NT5C1A: variants seen among roughly 807,000 people sequenced by gnomAD.
NT5C1A encodes the protein cytosolic 5'-nucleotidase 1A.
In NT5C1A, 18 loss-of-function variants were observed where a neutral mutation model predicts 31.0. The ratio of observed to expected loss-of-function variants is 0.58; its 90% CI spans 0.40 to 0.86. NT5C1A has a LOEUF of 0.86. Among genes scored for constraint, NT5C1A ranks in the 40% least tolerant of loss-of-function variants. The pLI is 0.00. For synonymous variants in NT5C1A, 185 were observed against 203.6 expected, an observed-to-expected ratio of 0.91 and a Z score of 0.78; for missense variants, 470 against 505.4, an observed-to-expected ratio of 0.93 and a Z score of 0.67.
rs1164119761 is a variant in NT5C1A, at chr1:39,672,017, C to G, written c.22G>C (p.Glu8Gln). Residue 8 changes from glutamate (E) to glutamine (Q), a missense_variant, in exon 1 of 6, where the codon GAG (glutamate) becomes CAG (glutamine). Coordinates refer to ENST00000235628, the MANE Select transcript of NT5C1A (RefSeq NM_032526.3). ...CCGGGCTCGCGGGGCTCCTGGGGCT[C>G]CCGGGGCTGCCCAGGTTCCATGCTC... is the stretch of plus-strand genomic sequence containing the variant. MEPGQPR[E>Q]PQEPREPGPG... 2 of 1,603,242 alleles carry G rather than the reference C, an allele frequency of 1.2e-6. No individual in the cohort carries two copies. Among genetic ancestry groups the G allele is most frequent in the Non-Finnish European group, 8.5e-7 (1 of 1,178,810 alleles).
At chr1:39,670,357 C>T (rs1646544439) in intron 1 of NT5C1A, among the ~76,000 whole-genome samples, 1 of 152,174 alleles carries the variant, frequency 6.6e-6, no homozygotes, top group Admixed American at 6.5e-5. Context: ...TCTCAAGACG[C>T]TCTTTGATGG....
At chr1:39,659,521 C>T (rs750365218) in intron 5 of NT5C1A, 35 bp from the exon 6 acceptor site, 15 of 1,520,858 alleles carry the variant, frequency 9.9e-6, no homozygotes, top group Non-Finnish European at 1.3e-5. Flanking sequence ...GTTAGCTCTA[C>T]CACCTCCTAA....
At chr1:39,668,592 C>T (rs1338405343) in intron 1 of NT5C1A, among the ~76,000 whole-genome samples, 6 of 152,278 alleles carry the variant, frequency 3.9e-5, no homozygotes, top group East Asian at 3.9e-4. Flanking sequence ...CTCAAGTCTC[C>T]GGCCTCTAGC....
chr1:39,664,884 C>A (rs958332247), intron 3 of NT5C1A, among the ~76,000 whole-genome samples: 1 of 151,650 alleles, frequency 6.6e-6, no homozygotes, highest in African/African-American at 2.4e-5. Context: ...GCTAGAGAAG[C>A]ACAAATAAAG....
rs1646473333 is a variant in NT5C1A, at chr1:39,658,252, A to AT, written c.*868dup. 6.6e-6 allele frequency among the ~76,000 whole-genome samples: 1 copy of AT among 152,200 alleles called. No individual in the cohort carries two copies. On this transcript the variant is annotated 3_prime_UTR_variant, in exon 6 of 6. Coordinates refer to ENST00000235628, the MANE Select transcript of NT5C1A (RefSeq NM_032526.3). ...GGAGGAGAGTTTGTATGCGTGTCCA[A>AT]TTCACTCCCCTTGCTTCCTGGGCTG...
rs1170777252 is a variant in NT5C1A at position 39,656,145 on chromosome 1, C to A, written c.*2976G>T. Among the ~76,000 whole-genome samples the A allele has an allele frequency of 6.6e-6, 1 of 152,172 alleles. No homozygotes were observed. The highest frequency in any genetic ancestry group is 1.5e-5 in the Non-Finnish European group (1 of 68,032). ...TTTTGCTGGCAGGCATCTCCTGGAA[C>A]CAGTGTTCTGCAGGGCTTGTTGGGG... On this transcript the variant is annotated 3_prime_UTR_variant, in exon 6 of 6. Coordinates refer to ENST00000235628, the MANE Select transcript of NT5C1A (RefSeq NM_032526.3).
rs1180274 is a variant in NT5C1A, at chr1:39,655,140, T to C, written c.*3981A>G. The stretch of plus-strand genomic sequence containing the variant: ...TATTTTTAGTAGAGACGGGGTTTCA[T>C]CATGTTGGGCAGGATGGTCTCGATC... On this transcript the variant is annotated 3_prime_UTR_variant, in exon 6 of 6. Transcript: ENST00000235628. Among the ~76,000 whole-genome samples the C allele has an allele frequency of 0.018, 2,719 of 152,188 alleles. 40 individuals are homozygous for C. The highest frequency in any genetic ancestry group is 0.044 in the Middle Eastern group (13 of 294).
At chr1:39,668,860 G>A (rs763144421) in intron 1 of NT5C1A, among the ~76,000 whole-genome samples, 12 of 152,196 alleles carry the variant, frequency 7.9e-5, no homozygotes, top group South Asian at 2.1e-4. Context: ...TGAGTGAGGT[G>A]GAGTCTAAGA....
intron 3 of NT5C1A, 124 bp from the exon 4 acceptor site, chr1:39,663,558 T>C: frequency 1.0e-6 from 1 of 966,808 alleles, no homozygotes. Context: ...CGTGTCTCAG[T>C]GTAATTTTAG....
intron 4 of NT5C1A, among the ~76,000 whole-genome samples, chr1:39,662,613 A>G (rs900981246): frequency 1.3e-5 from 2 of 152,130 alleles, no homozygotes; most frequent in African/African-American, 4.8e-5. Context: ...AAGTGAATAT[A>G]TTGTTGGTTG....
At chr1:39,666,016 T>C (rs945794585) in intron 2 of NT5C1A, 53 bp downstream of exon 2, 5 of 1,551,748 alleles carry the variant, frequency 3.2e-6, no homozygotes, top group South Asian at 2.4e-5. Flanking sequence ...GAGTGCTTTT[T>C]TCTAATCCCC....
rs1446989735 is a variant in NT5C1A at position 39,659,354 on chromosome 1, C to A, written c.874G>T (p.Ala292Ser). ...CCCCAGCTGCGCAGGGTCTTGAGAGCCCGGGCCCCGGAACTGGCTGCACTG... is the reference window on the plus strand; with the variant it reads ...CCCCAGCTGCGCAGGGTCTTGAGAGACCGGGCCCCGGAACTGGCTGCACTG... The part of the protein sequence containing the change: ...ARSAASSGAR[A>S]LKTLRSWGLE... The change falls in exon 6 of 6, where the codon GCT becomes TCT. Residue 292 changes from alanine (A) to serine (S), a missense_variant. Transcript: ENST00000235628. 4 of 1,613,878 alleles carry A rather than the reference C, an allele frequency of 2.5e-6. No homozygotes were observed. Among genetic ancestry groups the A allele is most frequent in the Non-Finnish European group, 3.4e-6 (4 of 1,180,020 alleles).
In NT5C1A at chr1:39,659,264, G is replaced by T. The variant is rs1313877289; in HGVS notation, c.964C>A (p.Arg322Ser). The change falls in exon 6 of 6, where the codon CGC becomes AGC. Residue 322 changes from arginine (R) to serine (S), a missense_variant. Physicochemically the swap from Arg to Ser is moderately radical, Grantham distance 110. Coordinates refer to ENST00000235628, the MANE Select transcript of NT5C1A (RefSeq NM_032526.3). ...APKGPLLEKI[R>S]PHIFFDDQMF... is the part of the protein sequence containing the mutation. Reference sequence around the variant, plus strand: ...TGGTCATCAAAGAAGATGTGTGGGCGGATCTTCTCAAGGAGAGGGCCCTTG... The same window carrying T: ...TGGTCATCAAAGAAGATGTGTGGGCTGATCTTCTCAAGGAGAGGGCCCTTG... 9.3e-6 allele frequency: 15 copies of T among 1,614,026 alleles called. No homozygotes were observed. Among genetic ancestry groups the T allele is most frequent in the Non-Finnish European group, 1.3e-5 (15 of 1,180,060 alleles).
chr1:39,668,829 T>G (rs965852787), intron 1 of NT5C1A, among the ~76,000 whole-genome samples: 1 of 152,186 alleles, frequency 6.6e-6, no homozygotes, highest in East Asian at 1.9e-4. Context: ...GCATCCCCAC[T>G]TAGACTGCTG....
At chr1:39,670,817 G>C (rs1368732582) in intron 1 of NT5C1A, among the ~76,000 whole-genome samples, 2 of 152,164 alleles carry the variant, frequency 1.3e-5, no homozygotes, top group Non-Finnish European at 2.9e-5. Flanking sequence ...TTTAAGATCA[G>C]GATACGTGCC....
chr1:39,658,973 T>C lies in NT5C1A; in HGVS notation c.*148A>G, dbSNP rs1310268492. The stretch of plus-strand genomic sequence containing the variant: ...GTTGAGAATGCCAGACCCGTCTGCA[T>C]AATTTCCTACAAGTACATCACTCAT... On this transcript the variant is annotated 3_prime_UTR_variant, in exon 6 of 6. Transcript: ENST00000235628. 8.7e-7 allele frequency: 1 copy of C among 1,153,056 alleles called. No homozygotes were observed. Among genetic ancestry groups the C allele is most frequent in the African/African-American group, 1.5e-5 (1 of 65,088 alleles). The allele number at this position is 1,153,056 out of a possible 1,614,324, so 71.4% of individuals were successfully genotyped here.
At position 39,659,046 on chromosome 1, in the gene NT5C1A, G is replaced by A; in HGVS notation, c.*75C>T. 1 of 1,499,270 alleles carries A rather than the reference G, an allele frequency of 6.7e-7. No individual in the cohort carries two copies. Among genetic ancestry groups the A allele is most frequent in the African/African-American group, 1.4e-5 (1 of 71,634 alleles). 92.9% of individuals were successfully genotyped at this position (1,499,270 alleles called of 1,614,324 possible). A position where few individuals can be genotyped will look rare whatever the true frequency, so the allele number is the denominator to read the frequency against. Reference sequence around the variant, plus strand: ...AAGGACAGAACAGTGAGAAACTAGAGGGATCTACCAGAGGAGGTGTCGAAG... The same window carrying A: ...AAGGACAGAACAGTGAGAAACTAGAAGGATCTACCAGAGGAGGTGTCGAAG... On this transcript the variant is annotated 3_prime_UTR_variant, in exon 6 of 6. Transcript: ENST00000235628.
At position 39,655,735 on chromosome 1, in the gene NT5C1A, A is replaced by C. The variant is rs1442816545; in HGVS notation, c.*3386T>G. Among the ~76,000 whole-genome samples the C allele has an allele frequency of 6.6e-6, 1 of 152,102 alleles. No homozygotes were observed. Among genetic ancestry groups the C allele is most frequent in the East Asian group, 1.9e-4 (1 of 5,176 alleles). ...CCACAAAACAGAGTAGACACTGGCC[A>C]TAGTGCCGCTGCAGCCTCCTAGAGG... is the stretch of plus-strand genomic sequence containing the variant. On this transcript the variant is annotated 3_prime_UTR_variant, in exon 6 of 6. Coordinates refer to ENST00000235628, the MANE Select transcript of NT5C1A (RefSeq NM_032526.3).
At position 39,666,094 on chromosome 1, in the gene NT5C1A, G is replaced by A; in HGVS notation, c.278C>T (p.Pro93Leu). Residue 93 changes from proline to leucine, a missense_variant, in exon 2 of 6, where the codon CCC becomes CTC. Physicochemically the swap from Pro to Leu is moderately conservative, Grantham distance 98. Transcript: ENST00000235628. ...QLEHENEPFSPGPAFPFVKAL... is the reference protein window; with the variant it reads ...QLEHENEPFSLGPAFPFVKAL... ...CTTCACAAAAGGGAAGGCTGGCCCG[G>A]GACTGAAGGGTTCGTTCTCATGTTC... The A allele has an allele frequency of 2.5e-6, 4 of 1,613,508 alleles. No homozygotes were observed. The highest frequency in any genetic ancestry group is 3.4e-6 in the Non-Finnish European group (4 of 1,179,912).
Sources: gnomAD v4.1 joint callset for allele counts (sites outside exome capture counted in the v4.1 genomes callset) on GRCh38, gnomAD v4.1.1 for gene constraint, MANE v1.5 for transcripts, NCBI Gene and HGNC (gene_info 2026-07-23, HGNC 2026-07-21) for gene names.